GFRAL: variants seen among roughly 807,000 people sequenced by gnomAD.
GFRAL encodes the protein GDNF family receptor alpha-like.
In GFRAL, 36 loss-of-function variants were observed where a neutral mutation model predicts 45.4. That is an observed-to-expected ratio of 0.79 (90% CI 0.61 to 1.05). The LOEUF is 1.05. GFRAL is among the 50% of genes least tolerant of loss of function. GFRAL has a pLI of 0.00. For synonymous variants in GFRAL, 166 were observed against 154.1 expected (o/e 1.08, Z -0.57); for missense variants, 507 against 467.5 (o/e 1.08, Z -0.78).
rs1386750020 is a variant in GFRAL at position 55,359,139 on chromosome 6, G to T, written c.952+1G>T. ...ATGCTTCATAGAAAATCATGTTTCA[G>T]TAAGTTCCCCAAATAAAATTATCTG... On this transcript the variant is annotated splice_donor_variant, in intron 6 of 8. Transcript: ENST00000340465. LOFTEE classifies it high-confidence loss of function. The T allele has an allele frequency of 6.3e-7, 1 of 1,591,304 alleles. No homozygotes were observed. Among genetic ancestry groups the T allele is most frequent in the East Asian group, 2.2e-5 (1 of 44,686 alleles).
At chr6:55,347,567 C>T (rs1476942532) in intron 3 of GFRAL, among the ~76,000 whole-genome samples, 3 of 151,888 alleles carry the variant, frequency 2.0e-5, no homozygotes, top group African/African-American at 4.8e-5. Flanking sequence ...AGGCACAACC[C>T]GACAGCATAA....
intron 3 of GFRAL, among the ~76,000 whole-genome samples, chr6:55,348,189 C>T (rs1476307394): frequency 6.6e-6 from 1 of 151,740 alleles, no homozygotes; most frequent in Admixed American, 6.6e-5. Flanking sequence ...ACCTTCAGCT[C>T]CTCTTTCAGT....
intron 3 of GFRAL, among the ~76,000 whole-genome samples, chr6:55,344,866 C>T (rs181628738): frequency 0.013 from 1,978 of 152,196 alleles, 22 homozygotes; most frequent in Non-Finnish European, 0.022. Flanking sequence ...AATCAATGTG[C>T]AAAAATCACA....
chr6:55,344,399 T>TA (rs1768011161), intron 3 of GFRAL, among the ~76,000 whole-genome samples: 1 of 152,136 alleles, frequency 6.6e-6, no homozygotes, highest in African/African-American at 2.4e-5. Flanking sequence ...CGCAAATCAA[T>TA]AAACATAACC....
intron 6 of GFRAL, among the ~76,000 whole-genome samples, chr6:55,367,568 A>G (rs1768382203): frequency 6.6e-6 from 1 of 151,126 alleles, no homozygotes; most frequent in Non-Finnish European, 1.5e-5. Flanking sequence ...ATGATTTTGC[A>G]GCAGCTGGTA....
intron 6 of GFRAL, among the ~76,000 whole-genome samples, chr6:55,371,445 C>T (rs934902773): frequency 7.9e-5 from 12 of 151,990 alleles, no homozygotes; most frequent in African/African-American, 2.9e-4. Context: ...TAATCCTCCC[C>T]ACCACTTCCT....
intron 6 of GFRAL, among the ~76,000 whole-genome samples, chr6:55,394,189 T>C (rs1244147000): frequency 1.3e-5 from 2 of 152,184 alleles, no homozygotes; most frequent in Non-Finnish European, 2.9e-5. Flanking sequence ...AGAGGAAACC[T>C]ACATTTAGTT....
intron 3 of GFRAL, 136 bp from the exon 4 acceptor site, chr6:55,349,956 T>A (rs891586757): frequency 6.1e-6 from 4 of 656,348 alleles, no homozygotes; most frequent in East Asian, 2.7e-5. Context: ...AAGGGCTAAA[T>A]ACATGTTACA....
intron 5 of GFRAL, among the ~76,000 whole-genome samples, chr6:55,353,242 C>T (rs1284207345): frequency 6.6e-6 from 1 of 151,948 alleles, no homozygotes; most frequent in Non-Finnish European, 1.5e-5. Context: ...CTTGTTTCAA[C>T]TACTGGCAAA....
At chr6:55,374,262 C>T (rs1350385781) in intron 6 of GFRAL, among the ~76,000 whole-genome samples, 1 of 152,030 alleles carries the variant, frequency 6.6e-6, no homozygotes, top group Non-Finnish European at 1.5e-5. Context: ...TGAGTATATA[C>T]CCAGTAGTGG....
chr6:55,400,370 C>T (rs1245661509), intron 8 of GFRAL, among the ~76,000 whole-genome samples: 1 of 152,062 alleles, frequency 6.6e-6, no homozygotes, highest in Non-Finnish European at 1.5e-5. Flanking sequence ...TACCTTATGA[C>T]ATCTGACACC....
intron 6 of GFRAL, among the ~76,000 whole-genome samples, chr6:55,387,927 T>A (rs1768700715): frequency 1.3e-5 from 2 of 152,194 alleles, no homozygotes; most frequent in African/African-American, 4.8e-5. Context: ...GTTGTACAAA[T>A]CATTAGTAAA....
intron 6 of GFRAL, among the ~76,000 whole-genome samples, chr6:55,366,827 C>G (rs1268791104): frequency 8.5e-6 from 1 of 117,570 alleles, no homozygotes; most frequent in Non-Finnish European, 1.7e-5. Flanking sequence ...AATTTCTGTT[C>G]TTTTACATTT....
chr6:55,331,832 ATGCC>A lies in GFRAL; in HGVS notation c.144_147del (p.Cys49MetfsTer11). The A allele has an allele frequency of 6.2e-7, 1 of 1,609,874 alleles. No individual in the cohort carries two copies. The highest frequency in any genetic ancestry group is 2.2e-5 in the East Asian group (1 of 44,526). ...AAACATGCTTGGAGAGTAATGGAAG[ATGCC>A]TGCAATGATTCAGGTAAACAAGTTG... On this transcript the variant is annotated frameshift_variant, in exon 2 of 9. Coordinates refer to ENST00000340465, the MANE Select transcript of GFRAL (RefSeq NM_207410.2). LOFTEE classifies it high-confidence loss of function.
intron 6 of GFRAL, among the ~76,000 whole-genome samples, chr6:55,374,071 A>G (rs138119627): frequency 0.015 from 2,317 of 152,220 alleles, 33 homozygotes; most frequent in Non-Finnish European, 0.025. Flanking sequence ...CCTGAAAAGG[A>G]TATGATCTCA....
chr6:55,393,716 G>A (rs1768784803), intron 6 of GFRAL, among the ~76,000 whole-genome samples: 1 of 152,156 alleles, frequency 6.6e-6, no homozygotes. Context: ...AATGGGCAAA[G>A]ACGAGATTTA....
chr6:55,389,852 G>A lies in GFRAL; in HGVS notation c.953-9328G>A, dbSNP rs528956919. 2.0e-5 allele frequency among the ~76,000 whole-genome samples: 3 copies of A among 152,338 alleles called. No individual in the cohort carries two copies. In the East Asian group the frequency reaches 5.8e-4, roughly 29 times the overall value. ...AGGTGCTAATACCTCATATGGTAATGCAGTACTGTAAGATGTTTATGAATA... is the reference window on the plus strand; with the variant it reads ...AGGTGCTAATACCTCATATGGTAATACAGTACTGTAAGATGTTTATGAATA... On this transcript the variant is annotated intron_variant, in intron 6 of 8. Transcript: ENST00000340465.
chr6:55,341,822 C>T (rs141371339), intron 3 of GFRAL, among the ~76,000 whole-genome samples: 1,987 of 152,184 alleles, frequency 0.013, 23 homozygotes, highest in Non-Finnish European at 0.022. Flanking sequence ...ATAGAGAAGT[C>T]CTTAAATGAG....
chr6:55,355,179 CT>C (rs919883574), intron 5 of GFRAL, among the ~76,000 whole-genome samples: 1 of 151,294 alleles, frequency 6.6e-6, no homozygotes, highest in African/African-American at 2.4e-5. Context: ...GATTAAAGAT[CT>C]TTCCATAATT....
Sources: gnomAD v4.1 joint callset for allele counts (sites outside exome capture counted in the v4.1 genomes callset) on GRCh38, gnomAD v4.1.1 for gene constraint, MANE v1.5 for transcripts, NCBI Gene and HGNC (gene_info 2026-07-23, HGNC 2026-07-21) for gene names.